Variants in NBAS observed in about 807,000 individuals in gnomAD.
NBAS encodes NBAS subunit of NRZ tethering complex.
A neutral mutation model predicts 302.5 loss-of-function variants in NBAS; 219 were observed. That is an observed-to-expected ratio of 0.72 (90% confidence interval 0.65 to 0.81). The LOEUF (loss-of-function observed/expected upper bound fraction) is 0.81. NBAS is among the 30% of genes least tolerant of loss of function. NBAS has a pLI of 0.00. For missense variants in NBAS, 2,932 were observed against 2,841.6 expected, an observed-to-expected ratio of 1.03 and a Z score of -0.72; for synonymous variants, 1,118 against 1,021.6, an observed-to-expected ratio of 1.09 and a Z score of -1.80.
chr2:15,452,768 G>T (rs1248623032), intron 21 of NBAS, among the ~76,000 whole-genome samples: 1 of 152,146 alleles, frequency 6.6e-6, no homozygotes, highest in Non-Finnish European at 1.5e-5. Flanking sequence ...GTCTGAGAAA[G>T]CCAACAACAG....
chr2:15,064,791 C>T, the NBAS span, among the ~76,000 whole-genome samples: 76,898 of 151,670 alleles, frequency 0.51, 21,700 homozygotes, highest in Non-Finnish European at 0.62. Context: ...CAAAACAAAA[C>T]AAAAACCCTA....
intron 45 of NBAS, among the ~76,000 whole-genome samples, chr2:15,238,204 C>G (rs1667692468): frequency 1.3e-5 from 2 of 152,314 alleles, no homozygotes; most frequent in Middle Eastern, 3.4e-3. Flanking sequence ...CTCCTGCTAC[C>G]ATCTCCATTT....
chr2:15,330,879 A>G (rs894854416), intron 35 of NBAS, 114 bp from the exon 36 acceptor site: 3 of 1,110,380 alleles, frequency 2.7e-6, no homozygotes, highest in Admixed American at 5.4e-5. Context: ...AGACAGACAC[A>G]TTTAAAAATC....
the NBAS span, among the ~76,000 whole-genome samples, chr2:14,994,960 A>G: frequency 6.6e-6 from 1 of 152,214 alleles, no homozygotes; most frequent in Non-Finnish European, 1.5e-5. Context: ...ACTGTTGTGC[A>G]TGAATCAGCT....
chr2:15,494,030 T>C (rs1485187131), intron 11 of NBAS, among the ~76,000 whole-genome samples: 1 of 152,146 alleles, frequency 6.6e-6, no homozygotes, highest in African/African-American at 2.4e-5. Flanking sequence ...TTCACCATGT[T>C]GGCCAAGCTG....
chr2:14,934,169 T>C, the NBAS span, among the ~76,000 whole-genome samples: 1 of 152,162 alleles, frequency 6.6e-6, no homozygotes, highest in South Asian at 2.1e-4. Flanking sequence ...GTATATGAAA[T>C]GTAAAGTCCA....
chr2:14,813,861 G>A, the NBAS span, among the ~76,000 whole-genome samples: 8 of 152,278 alleles, frequency 5.3e-5, no homozygotes, highest in South Asian at 4.1e-4. Context: ...GCAGCCCCTC[G>A]CATCACAGTC....
At chr2:15,224,887 C>T (rs1057482510) in intron 47 of NBAS, among the ~76,000 whole-genome samples, 7 of 152,210 alleles carry the variant, frequency 4.6e-5, no homozygotes, top group African/African-American at 1.7e-4. Flanking sequence ...GCGGGTGGGG[C>T]AGACACTTCC....
chr2:15,265,007 C>T (rs922193339), intron 44 of NBAS, among the ~76,000 whole-genome samples: 2 of 152,258 alleles, frequency 1.3e-5, no homozygotes, highest in African/African-American at 2.4e-5. Flanking sequence ...AAGTATTCAT[C>T]GGCTTCGTGT....
chr2:14,903,190 C>T, the NBAS span, among the ~76,000 whole-genome samples: 5 of 151,986 alleles, frequency 3.3e-5, no homozygotes, highest in Non-Finnish European at 5.9e-5. Context: ...CTAGTGGTGG[C>T]CAAGCCTTTT....
chr2:15,244,499 T>C (rs1009653640), intron 44 of NBAS, among the ~76,000 whole-genome samples: 3 of 152,216 alleles, frequency 2.0e-5, no homozygotes, highest in African/African-American at 7.2e-5. Flanking sequence ...AGCAGATTTT[T>C]TAAGCTGCCT....
At chr2:15,058,389 T>G in the NBAS span, among the ~76,000 whole-genome samples, 1 of 152,162 alleles carries the variant, frequency 6.6e-6, no homozygotes, top group African/African-American at 2.4e-5. Flanking sequence ...GTGTCAACAG[T>G]GCAAAGGTTA....
the NBAS span, among the ~76,000 whole-genome samples, chr2:14,952,141 T>C: frequency 6.6e-6 from 1 of 152,218 alleles, no homozygotes; most frequent in Non-Finnish European, 1.5e-5. Context: ...ATCCTCTGAC[T>C]TCCTGCTTTG....
chr2:15,336,900 A>C (rs977370765), intron 35 of NBAS, among the ~76,000 whole-genome samples: 1 of 152,182 alleles, frequency 6.6e-6, no homozygotes, highest in Non-Finnish European at 1.5e-5. Flanking sequence ...TGAAAATATA[A>C]ATATGGTAAG....
At chr2:15,372,390 G>A (rs1233109673) in intron 31 of NBAS, among the ~76,000 whole-genome samples, 1 of 152,134 alleles carries the variant, frequency 6.6e-6, no homozygotes, top group Non-Finnish European at 1.5e-5. Flanking sequence ...GCCTTTACTT[G>A]ATGAGAAACA....
intron 32 of NBAS, among the ~76,000 whole-genome samples, chr2:15,364,500 C>T (rs369986669): frequency 8.5e-5 from 13 of 152,190 alleles, no homozygotes; most frequent in African/African-American, 2.6e-4. Flanking sequence ...CATTGCACTC[C>T]AGCCTGGGCA....
chr2:15,245,872 C>T (rs974893795), intron 44 of NBAS, among the ~76,000 whole-genome samples: 1 of 152,148 alleles, frequency 6.6e-6, no homozygotes, highest in Non-Finnish European at 1.5e-5. Context: ...GGTTGGTTGG[C>T]TGGTTTTTGC....
chr2:15,214,889 C>A (rs1666584500), intron 48 of NBAS, among the ~76,000 whole-genome samples: 1 of 152,144 alleles, frequency 6.6e-6, no homozygotes, highest in South Asian at 2.1e-4. Flanking sequence ...TAAACTAATT[C>A]TTTTGGTGAT....
At chr2:15,071,377 G>C in the NBAS span, among the ~76,000 whole-genome samples, 7 of 152,122 alleles carry the variant, frequency 4.6e-5, no homozygotes. Context: ...TGTAATCCCA[G>C]CACTTTGGGA....
Sources: allele counts gnomAD v4.1 joint callset (sites outside exome capture counted in the v4.1 genomes callset), GRCh38; gene constraint gnomAD v4.1.1; transcripts MANE v1.5; gene names NCBI Gene and HGNC (gene_info 2026-07-23, HGNC 2026-07-21).